RPTOR: variants seen among roughly 807,000 people sequenced by gnomAD.
RPTOR encodes regulatory-associated protein of mTOR.
In RPTOR, 21 loss-of-function variants were observed where a neutral mutation model predicts 169.9. The ratio of observed to expected loss-of-function variants is 0.12; its 90% CI spans 0.09 to 0.18. The LOEUF (loss-of-function observed/expected upper bound fraction) is 0.18. Ranked by LOEUF, RPTOR falls within the 10% of genes least tolerant of loss-of-function variation. The pLI, the probability that RPTOR is intolerant of heterozygous loss-of-function variation, is 1.00. For synonymous variants in RPTOR, 732 were observed against 753.2 expected (o/e 0.97, Z 0.46); for missense variants, 1,133 against 1,855.9 (o/e 0.61, Z 7.16).
chr17:80,905,959 G>A (rs991382237), intron 20 of RPTOR, among the ~76,000 whole-genome samples: 10 of 152,196 alleles, frequency 6.6e-5, no homozygotes, highest in Admixed American at 5.9e-4. Flanking sequence ...CGGGGCAGTC[G>A]AGCCTCGTGG....
chr17:80,795,778 A>G (rs1000019348), intron 7 of RPTOR, among the ~76,000 whole-genome samples: 25 of 152,084 alleles, frequency 1.6e-4, no homozygotes, highest in African/African-American at 5.8e-4. Flanking sequence ...GTCCTGCAGA[A>G]TGGACACCAC....
intron 11 of RPTOR, among the ~76,000 whole-genome samples, chr17:80,855,140 TG>T: frequency 6.6e-6 from 1 of 152,326 alleles, no homozygotes. Flanking sequence ...AAGAGAAGTG[TG>T]GACATAAAGA....
chr17:80,896,678 T>G (rs190913088), intron 20 of RPTOR, among the ~76,000 whole-genome samples: 15 of 152,286 alleles, frequency 9.8e-5, no homozygotes, highest in African/African-American at 3.1e-4. Context: ...CTTAGCCCTT[T>G]GCTCTGCTGT....
chr17:80,678,087 C>A (rs542565055), intron 3 of RPTOR, among the ~76,000 whole-genome samples: 1 of 152,200 alleles, frequency 6.6e-6, no homozygotes, highest in Admixed American at 6.5e-5. Flanking sequence ...ACTTGAAAAT[C>A]GTAAAAAGAG....
At chr17:80,808,614 G>A (rs188630049) in intron 7 of RPTOR, among the ~76,000 whole-genome samples, 10 of 152,236 alleles carry the variant, frequency 6.6e-5, no homozygotes, top group South Asian at 2.1e-4. Context: ...CACTGTGCCC[G>A]TGGAGCCACA....
intron 21 of RPTOR, among the ~76,000 whole-genome samples, chr17:80,919,571 T>C: frequency 6.6e-6 from 1 of 152,170 alleles, no homozygotes; most frequent in East Asian, 1.9e-4. Flanking sequence ...GACGCCCCCG[T>C]GTCCTTGTGA....
chr17:80,594,801 T>C (rs185023037), intron 1 of RPTOR, among the ~76,000 whole-genome samples: 16 of 152,348 alleles, frequency 1.1e-4, no homozygotes, highest in Middle Eastern at 3.4e-3. Context: ...TGTGGCTCCA[T>C]GGTAAATTGC....
intron 1 of RPTOR, among the ~76,000 whole-genome samples, chr17:80,621,864 C>T (rs2065356901): frequency 1.3e-5 from 2 of 152,220 alleles, no homozygotes; most frequent in Non-Finnish European, 2.9e-5. Flanking sequence ...CCACCTTTTC[C>T]TGGGGCGCAC....
chr17:80,585,632 G>A (rs866407043), intron 1 of RPTOR, among the ~76,000 whole-genome samples: 17 of 152,190 alleles, frequency 1.1e-4, no homozygotes, highest in Non-Finnish European at 4.4e-5. Context: ...GAGTGTGCAC[G>A]CTGCTACGTC....
intron 2 of RPTOR, among the ~76,000 whole-genome samples, chr17:80,626,733 T>A (rs57593952): frequency 2.8e-5 from 4 of 141,652 alleles, no homozygotes; most frequent in Non-Finnish European, 4.7e-5. Context: ...TTTTTTTTTT[T>A]TAATTGTGGT....
chr17:80,782,373 CACTT>C (rs923456290), intron 6 of RPTOR, among the ~76,000 whole-genome samples: 3 of 150,580 alleles, frequency 2.0e-5, no homozygotes, highest in African/African-American at 7.5e-5. Context: ...TTAAAAGAAT[CACTT>C]TATTTATTTA....
chr17:80,761,866 C>T (rs2066739806), intron 6 of RPTOR, among the ~76,000 whole-genome samples: 4 of 152,094 alleles, frequency 2.6e-5, no homozygotes, highest in Admixed American at 2.6e-4. Context: ...GGTGAAGTAA[C>T]CGGGACACAT....
chr17:80,832,719 C>T (rs770094363), intron 9 of RPTOR, among the ~76,000 whole-genome samples: 23 of 152,132 alleles, frequency 1.5e-4, no homozygotes, highest in Non-Finnish European at 2.6e-4. Flanking sequence ...CTGTCTGCCA[C>T]GAAAACAATG....
rs559620177 is a variant in RPTOR at position 80,821,648 on chromosome 17, A to T, written c.891-553A>T. On this transcript the variant is annotated intron_variant, in intron 7 of 33. Transcript: ENST00000306801. ...TGCCACCTCTAATGTGTGCTTGTTC[A>T]TTTGCCTGTTACCTGTCCTTCCCCC... Among the ~76,000 whole-genome samples the T allele has an allele frequency of 2.0e-5, 3 of 152,080 alleles. No homozygotes were observed. The South Asian group carries it at 6.2e-4, about 32-fold the overall frequency.
Position 80,734,003 on chromosome 17 carries a change from T to G in RPTOR, c.654+3297T>G, listed in dbSNP as rs551503657. ...CTGCACTTTCTGTGATTGTCTTTCG[T>G]TCTCTGACCACGATTAACACCTCTG... On this transcript the variant is annotated intron_variant, in intron 5 of 33. Coordinates refer to ENST00000306801, the MANE Select transcript of RPTOR (RefSeq NM_020761.3). 3.9e-5 allele frequency among the ~76,000 whole-genome samples: 6 copies of G among 152,374 alleles called. No individual in the cohort carries two copies. The East Asian group carries it at 1.2e-3, about 29-fold the overall frequency.
rs200131083 is a variant in RPTOR at position 80,665,504 on chromosome 17, A to T, written c.348+21694A>T. Among the ~76,000 whole-genome samples the T allele has an allele frequency of 1.1e-3, 12 of 11,036 alleles. 3 individuals are homozygous for T. The highest frequency in any genetic ancestry group is 2.9e-3 in the South Asian group (2 of 692). The allele number at this position is 11,036 out of a possible 152,430, so 7.2% of individuals were successfully genotyped here. A position where few individuals can be genotyped will look rare whatever the true frequency, so the allele number is the denominator to read the frequency against. On this transcript the variant is annotated intron_variant, in intron 3 of 33. Transcript: ENST00000306801. ...TTTCCTTTCCTTTCCTTTCCTTTCC[A>T]TGTCCTTTCCTTTCCTTTCCATGTC...
intron 1 of RPTOR, among the ~76,000 whole-genome samples, chr17:80,572,102 A>G (rs1235522445): frequency 1.3e-5 from 2 of 152,142 alleles, no homozygotes; most frequent in East Asian, 1.9e-4. Context: ...AATTAGCATT[A>G]CATATTTATT....
intron 1 of RPTOR, among the ~76,000 whole-genome samples, chr17:80,619,421 C>G (rs1393880312): frequency 6.6e-6 from 1 of 152,132 alleles, no homozygotes; most frequent in Non-Finnish European, 1.5e-5. Flanking sequence ...TGATTTTATC[C>G]AATCAGTTAT....
At chr17:80,640,892 T>G (rs367685102) in intron 2 of RPTOR, among the ~76,000 whole-genome samples, 1 of 152,254 alleles carries the variant, frequency 6.6e-6, no homozygotes, top group Admixed American at 6.5e-5. Context: ...TTTCTGACCA[T>G]AGATGACAGC....
Sources: gnomAD v4.1 joint callset for allele counts (sites outside exome capture counted in the v4.1 genomes callset) on GRCh38, gnomAD v4.1.1 for gene constraint, MANE v1.5 for transcripts, NCBI Gene and HGNC (gene_info 2026-07-23, HGNC 2026-07-21) for gene names.